Variants in ZNF536 observed in about 807,000 individuals in gnomAD.
The protein encoded by ZNF536 is zinc finger protein 536.
Under a neutral mutation model 84.5 loss-of-function variants are expected in ZNF536, and 13 were observed. The observed-to-expected ratio is 0.15, with a 90% CI of 0.10 to 0.24. The LOEUF (loss-of-function observed/expected upper bound fraction) is 0.24, where lower values mean the gene tolerates loss of function less well. ZNF536 is among the 10% of genes least tolerant of loss of function. The pLI is 1.00. For synonymous variants in ZNF536, 811 were observed against 742.5 expected (o/e 1.09, Z -1.50); for missense variants, 1,536 against 1,747.5 (o/e 0.88, Z 2.16).
At chr19:30,313,451 C>A (rs150367522) in intron 2 of ZNF536, among the ~76,000 whole-genome samples, 1 of 152,176 alleles carries the variant, frequency 6.6e-6, no homozygotes, top group African/African-American at 2.4e-5. Flanking sequence ...AGCCTGGCCA[C>A]ACACAGCCCT....
At chr19:30,613,156 T>C (rs138570640) in intron 1 of ZNF536, among the ~76,000 whole-genome samples, 2 of 152,350 alleles carry the variant, frequency 1.3e-5, no homozygotes, top group African/African-American at 4.8e-5. Context: ...CTTTCCTTAC[T>C]GGTGATGTTA....
intron 1 of ZNF536, among the ~76,000 whole-genome samples, chr19:30,427,621 A>G (rs967804778): frequency 1.3e-5 from 2 of 152,236 alleles, no homozygotes; most frequent in Admixed American, 6.5e-5. Context: ...TCTCGGGGTC[A>G]TGTAGAAAGC....
At chr19:30,284,027 G>A (rs1387835392) in intron 1 of ZNF536, 8 of 152,164 alleles carry the variant, frequency 5.3e-5, no homozygotes, top group East Asian at 1.9e-4. Context: ...TACTGAAGTC[G>A]ACTTATGTGA....
intron 2 of ZNF536, among the ~76,000 whole-genome samples, chr19:30,342,703 A>G (rs1442378427): frequency 6.6e-6 from 1 of 152,228 alleles, no homozygotes; most frequent in Non-Finnish European, 1.5e-5. Flanking sequence ...TGCATTTTGA[A>G]TCCTTATGAA....
chr19:30,592,851 T>G (rs1208550569), intron 1 of ZNF536, among the ~76,000 whole-genome samples: 1 of 152,246 alleles, frequency 6.6e-6, no homozygotes, highest in East Asian at 1.9e-4. Flanking sequence ...ATAGCGCATT[T>G]CTCACTTAGG....
chr19:30,482,702 G>A (rs972812449), intron 2 of ZNF536, among the ~76,000 whole-genome samples: 9 of 152,174 alleles, frequency 5.9e-5, no homozygotes, highest in African/African-American at 2.2e-4. Context: ...CAACAGTAAT[G>A]ATGTATTTTC....
intron 1 of ZNF536, among the ~76,000 whole-genome samples, chr19:30,637,864 T>TAG (rs1489899720): frequency 1.3e-5 from 2 of 152,222 alleles, no homozygotes; most frequent in African/African-American, 2.4e-5. Context: ...TAGCAAGGGT[T>TAG]AGACAAAGGC....
At chr19:30,711,619 A>T (rs1317666137) in exon 2 of ZNF536, 1 of 152,222 alleles carries the variant, frequency 6.6e-6, no homozygotes, top group Non-Finnish European at 1.5e-5. Context: ...GAGGATTGAG[A>T]TCTTAAATGC....
intron 2 of ZNF536, among the ~76,000 whole-genome samples, chr19:30,330,146 T>C (rs1238509621): frequency 2.0e-5 from 3 of 152,202 alleles, no homozygotes; most frequent in Non-Finnish European, 2.9e-5. Flanking sequence ...GTTGGGTTAA[T>C]ATGGAGTAAT....
intron 1 of ZNF536, among the ~76,000 whole-genome samples, chr19:30,273,607 T>C (rs1032430768): frequency 1.3e-5 from 2 of 152,250 alleles, no homozygotes; most frequent in Admixed American, 1.3e-4. Flanking sequence ...CTGTTGAGTT[T>C]TAAGAGTTCT....
intron 1 of ZNF536, among the ~76,000 whole-genome samples, chr19:30,687,114 C>T (rs1046284106): frequency 1.3e-5 from 2 of 152,122 alleles, no homozygotes; most frequent in African/African-American, 4.8e-5. Context: ...GTTGTGTATT[C>T]CAAAGAAAGG....
chr19:30,592,107 A>G (rs1044960414), intron 1 of ZNF536, among the ~76,000 whole-genome samples: 1 of 152,202 alleles, frequency 6.6e-6, no homozygotes, highest in Non-Finnish European at 1.5e-5. Context: ...ATTATTCATG[A>G]CCCTTGCACT....
At chr19:30,644,872 G>A (rs2049406125) in intron 1 of ZNF536, among the ~76,000 whole-genome samples, 1 of 151,998 alleles carries the variant, frequency 6.6e-6, no homozygotes, top group Non-Finnish European at 1.5e-5. Context: ...TAATCCTTTG[G>A]GTATATACCC....
intron 2 of ZNF536, among the ~76,000 whole-genome samples, chr19:30,319,880 TA>T (rs2046799301): frequency 2.0e-5 from 3 of 152,346 alleles, no homozygotes; most frequent in African/African-American, 7.2e-5. Context: ...TCTCATAAAT[TA>T]AAACAATTAA....
chr19:30,404,783 C>T (rs1248340045), intron 1 of ZNF536, among the ~76,000 whole-genome samples: 2 of 152,110 alleles, frequency 1.3e-5, no homozygotes, highest in Non-Finnish European at 1.5e-5. Context: ...TGGGTGTCCC[C>T]AATTCAATTC....
At chr19:30,576,009 G>A (rs1446816151) in intron 1 of ZNF536, among the ~76,000 whole-genome samples, 1 of 152,248 alleles carries the variant, frequency 6.6e-6, no homozygotes, top group African/African-American at 2.4e-5. Flanking sequence ...CCTACACTGA[G>A]AAGGGCTCGG....
intron 1 of ZNF536, among the ~76,000 whole-genome samples, chr19:30,640,566 CAAG>C (rs1036723389): frequency 5.3e-5 from 8 of 152,170 alleles, no homozygotes; most frequent in African/African-American, 1.9e-4. Context: ...TTGTGCCTCG[CAAG>C]AGTCAGGCCC....
intron 1 of ZNF536, among the ~76,000 whole-genome samples, chr19:30,247,790 C>G (rs1258371739): frequency 6.6e-6 from 1 of 152,210 alleles, no homozygotes; most frequent in Non-Finnish European, 1.5e-5. Flanking sequence ...GATCAAGACA[C>G]TGCACTCCAG....
intron 1 of ZNF536, among the ~76,000 whole-genome samples, chr19:30,635,487 T>G (rs996106664): frequency 1.3e-5 from 2 of 152,186 alleles, no homozygotes; most frequent in Non-Finnish European, 2.9e-5. Flanking sequence ...GCTGTCCTTC[T>G]TGCAAGGCAC....
Sources: allele counts gnomAD v4.1 joint callset (sites outside exome capture counted in the v4.1 genomes callset), GRCh38; gene constraint gnomAD v4.1.1; transcripts MANE v1.5; gene names NCBI Gene and HGNC (gene_info 2026-07-23, HGNC 2026-07-21).